The following RFTN1 variants were observed in gnomAD, a reference collection of about 807,000 sequenced individuals.
The protein encoded by RFTN1 is raftlin.
Under a neutral mutation model 46.5 loss-of-function variants are expected in RFTN1, and 26 were observed. That is an observed-to-expected ratio of 0.56 (90% confidence interval 0.41 to 0.78). RFTN1 has a LOEUF of 0.78. Among genes scored for constraint, RFTN1 ranks in the 30% least tolerant of loss-of-function variants. RFTN1 has a pLI of 0.00. For synonymous variants in RFTN1, 261 were observed against 284.2 expected (o/e 0.92, Z 0.82); for missense variants, 693 against 718.7 (o/e 0.96, Z 0.41).
At chr3:16,494,094 C>T (rs767205502) in intron 1 of RFTN1, among the ~76,000 whole-genome samples, 11 of 152,092 alleles carry the variant, frequency 7.2e-5, no homozygotes, top group Non-Finnish European at 1.0e-4. Context: ...TATTACCAGC[C>T]GTCCTGAGAT....
At chr3:16,471,769 A>G (rs995495970) in intron 2 of RFTN1, among the ~76,000 whole-genome samples, 4 of 152,244 alleles carry the variant, frequency 2.6e-5, no homozygotes, top group Non-Finnish European at 5.9e-5. Flanking sequence ...TGATCAAAAA[A>G]TTATGAATTT....
In RFTN1 at chr3:16,383,217, T is replaced by C. The variant is rs116410015; in HGVS notation, c.442-5115A>G. Among the ~76,000 whole-genome samples the C allele has an allele frequency of 3.7e-3, 567 of 152,332 alleles. 3 individuals carry two copies. The highest frequency in any genetic ancestry group is 0.013 in the African/African-American group (548 of 41,566). On this transcript the variant is annotated intron_variant, in intron 4 of 9. Coordinates refer to ENST00000334133, the MANE Select transcript of RFTN1 (RefSeq NM_015150.2). This position sits in a 1 kb window ranked among gnomAD's most constrained non-coding sequence, Gnocchi z 4.0. ...ACCACTCTTTCCACTTCAGATAATC[T>C]GACCTGTGCCAAGATGCCCAGGTGG...
chr3:16,467,568 G>T (rs987783613), intron 2 of RFTN1, among the ~76,000 whole-genome samples: 20 of 152,362 alleles, frequency 1.3e-4, no homozygotes, highest in African/African-American at 4.3e-4. Context: ...CTGTAAGAGA[G>T]TGGGCAGGGC....
chr3:16,324,057 C>T lies in RFTN1; in HGVS notation c.1251-600G>A, dbSNP rs1353067127. On this transcript the variant is annotated intron_variant, in intron 8 of 9. Coordinates refer to ENST00000334133, the MANE Select transcript of RFTN1 (RefSeq NM_015150.2). ...ATTCTCTCTTCCCAGGAAGGCAGGA[C>T]CTGGAGCTGCCTCTAAAGATGATAG... 2.6e-5 allele frequency among the ~76,000 whole-genome samples: 4 copies of T among 152,302 alleles called. No homozygotes were observed. In the East Asian group the frequency reaches 5.8e-4, roughly 22 times the overall value.
At chr3:16,503,760 A>G (rs2125008030) in intron 1 of RFTN1, among the ~76,000 whole-genome samples, 1 of 152,278 alleles carries the variant, frequency 6.6e-6, no homozygotes, top group East Asian at 1.9e-4. Context: ...CCAGGCAAGC[A>G]CAGGCACCTC....
At chr3:16,366,831 C>G (rs2073209228) in intron 6 of RFTN1, among the ~76,000 whole-genome samples, 1 of 152,184 alleles carries the variant, frequency 6.6e-6, no homozygotes, top group African/African-American at 2.4e-5. Context: ...ATCACTATGC[C>G]CCTCCTCTGT....
rs746123879 is a variant in RFTN1 at position 16,377,681 on chromosome 3, T to C, written c.826+37A>G. 2.6e-6 allele frequency: 4 copies of C among 1,544,944 alleles called. No homozygotes were observed. The African/African-American group carries it at 5.5e-5, about 21-fold the overall frequency. ...TTAATGAAAAGCTGTTAGCTGCTCT[T>C]TAAGTGGGTCAAAACTCCCATTGCT... On this transcript the variant is annotated intron_variant, in intron 5 of 9. Coordinates refer to ENST00000334133, the MANE Select transcript of RFTN1 (RefSeq NM_015150.2).
chr3:16,418,256 G>A lies in RFTN1; in HGVS notation c.333-8773C>T, dbSNP rs151186659. 2.0e-5 allele frequency among the ~76,000 whole-genome samples: 3 copies of A among 152,290 alleles called. No individual in the cohort carries two copies. Among genetic ancestry groups the A allele is most frequent in the Admixed American group, 6.5e-5 (1 of 15,308 alleles). On this transcript the variant is annotated intron_variant, in intron 3 of 9. Transcript: ENST00000334133. This position sits in a 1 kb window ranked among gnomAD's most constrained non-coding sequence, Gnocchi z 5.0. Reference sequence around the variant, plus strand: ...TGAGGCCACTAAAAAACAATTGCCTGTCGAAAAACTATTATAAACTATACT... The same window carrying A: ...TGAGGCCACTAAAAAACAATTGCCTATCGAAAAACTATTATAAACTATACT...
At chr3:16,403,398 G>A (rs547514797) in intron 4 of RFTN1, among the ~76,000 whole-genome samples, 6 of 150,920 alleles carry the variant, frequency 4.0e-5, no homozygotes, top group African/African-American at 1.5e-4. Context: ...TCACAGGCAT[G>A]AGATGAGGGT....
chr3:16,429,965 A>C lies in RFTN1; in HGVS notation c.332+3886T>G, dbSNP rs2075353057. ...TTTAAAAGCTAACTCATTTCATTTA[A>C]CAGCATCTATAACTGTCAGAACTTT... On this transcript the variant is annotated intron_variant, in intron 3 of 9. Transcript: ENST00000334133. This position sits in a 1 kb window ranked among gnomAD's most constrained non-coding sequence, Gnocchi z 6.4. Among the ~76,000 whole-genome samples the C allele has an allele frequency of 6.6e-6, 1 of 152,256 alleles. No homozygotes were observed. The highest frequency in any genetic ancestry group is 6.5e-5 in the Admixed American group (1 of 15,286).
At chr3:16,420,096 G>C (rs2125466294) in intron 3 of RFTN1, among the ~76,000 whole-genome samples, 1 of 152,306 alleles carries the variant, frequency 6.6e-6, no homozygotes, top group South Asian at 2.1e-4. Flanking sequence ...CAAACTATCA[G>C]CCACTGTGCA....
At position 16,421,511 on chromosome 3, in the gene RFTN1, C is replaced by T. The variant is rs2075183306; in HGVS notation, c.333-12028G>A. Among the ~76,000 whole-genome samples, 1 of 152,036 alleles carries T rather than the reference C, an allele frequency of 6.6e-6. No individual in the cohort carries two copies. The highest frequency in any genetic ancestry group is 2.4e-5 in the African/African-American group (1 of 41,370). ...GGACTACAGGTGCATGCCACCATGC[C>T]CAGCTAATTTTTGTATTTTTAGTAG... is the stretch of plus-strand genomic sequence containing the variant. On this transcript the variant is annotated intron_variant, in intron 3 of 9. Transcript: ENST00000334133. This position sits in a 1 kb window ranked among gnomAD's most constrained non-coding sequence, Gnocchi z 4.6.
chr3:16,324,613 A>ACCTC (rs1553718055), intron 8 of RFTN1, among the ~76,000 whole-genome samples: 1 of 90,800 alleles, frequency 1.1e-5, no homozygotes. Flanking sequence ...AATGTCCCTG[A>ACCTC]CCCCCCCCCT....
rs758604943 is a variant in RFTN1 at position 16,351,570 on chromosome 3, T to C, written c.1146+6362A>G. 1.6e-4 allele frequency among the ~76,000 whole-genome samples: 25 copies of C among 152,090 alleles called. No homozygotes were observed. The highest frequency in any genetic ancestry group is 2.9e-4 in the Non-Finnish European group (20 of 68,022). The stretch of plus-strand genomic sequence containing the variant: ...AAGCCATTCTACCTGAGGCTGTACT[T>C]GCAGAAATACAAGTCCACCCTGACA... On this transcript the variant is annotated intron_variant, in intron 7 of 9. Transcript: ENST00000334133. The surrounding 1 kb of genome is among the most constrained non-coding windows in gnomAD (Gnocchi z 5.4).
intron 2 of RFTN1, among the ~76,000 whole-genome samples, chr3:16,439,355 T>C (rs2075578651): frequency 6.6e-6 from 1 of 152,220 alleles, no homozygotes; most frequent in South Asian, 2.1e-4. Flanking sequence ...ACCCTACTTA[T>C]CAGAGTAACC....
Position 16,440,615 on chromosome 3 carries a change from A to T in RFTN1, c.146-6578T>A, listed in dbSNP as rs192134109. On this transcript the variant is annotated intron_variant, in intron 2 of 9. Transcript: ENST00000334133. This position sits in a 1 kb window ranked among gnomAD's most constrained non-coding sequence, Gnocchi z 4.6. The stretch of plus-strand genomic sequence containing the variant: ...GCCAGGAAAATAAAGTAAACAAGAG[A>T]CATGAGCCAGGGGGACAGCAATGAA... 4.0e-4 allele frequency among the ~76,000 whole-genome samples: 61 copies of T among 151,874 alleles called. No homozygotes were observed. Among genetic ancestry groups the T allele is most frequent in the African/African-American group, 1.2e-3 (51 of 41,344 alleles).
Position 16,499,842 on chromosome 3 carries a change from T to G in RFTN1, c.-8-5965A>C, listed in dbSNP as rs577956434. ...AATGAAGTGGCTATAAACATTTGTG[T>G]AGAGGTTTTTATATGGACATAAGTT... On this transcript the variant is annotated intron_variant, in intron 1 of 9. Coordinates refer to ENST00000334133, the MANE Select transcript of RFTN1 (RefSeq NM_015150.2). This position sits in a 1 kb window ranked among gnomAD's most constrained non-coding sequence, Gnocchi z 4.9. Among the ~76,000 whole-genome samples the G allele has an allele frequency of 6.6e-6, 1 of 152,322 alleles. No homozygotes were observed. The highest frequency in any genetic ancestry group is 2.4e-5 in the African/African-American group (1 of 41,564).
intron 7 of RFTN1, among the ~76,000 whole-genome samples, chr3:16,328,110 C>CT (rs1415842028): frequency 2.0e-5 from 3 of 152,240 alleles, no homozygotes; most frequent in Non-Finnish European, 2.9e-5. Flanking sequence ...AGTTCACAGG[C>CT]TAGCAGGGGC....
Position 16,344,704 on chromosome 3 carries a change from G to C in RFTN1, c.1146+13228C>G, listed in dbSNP as rs138477922. 1.2e-3 allele frequency among the ~76,000 whole-genome samples: 179 copies of C among 152,296 alleles called. No homozygotes were observed. Among genetic ancestry groups the C allele is most frequent in the African/African-American group, 3.8e-3 (159 of 41,554 alleles). ...TGGCATCAGAAAGCTCATGAAGACA[G>C]ACCTCCTCCCAATGAAAGCACATCG... On this transcript the variant is annotated intron_variant, in intron 7 of 9. Transcript: ENST00000334133. This position sits in a 1 kb window ranked among gnomAD's most constrained non-coding sequence, Gnocchi z 4.4.
Sources: allele counts gnomAD v4.1 joint callset (sites outside exome capture counted in the v4.1 genomes callset), GRCh38; gene constraint gnomAD v4.1.1; non-coding constraint Gnocchi (gnomAD v3.1); transcripts MANE v1.5; gene names NCBI Gene and HGNC (gene_info 2026-07-23, HGNC 2026-07-21).